SCFD2: variants seen among roughly 807,000 people sequenced by gnomAD.
The protein encoded by SCFD2 is sec1 family domain-containing protein 2.
A neutral mutation model predicts 58.9 loss-of-function variants in SCFD2; 54 were observed. The ratio of observed to expected loss-of-function variants is 0.92; its 90% CI spans 0.74 to 1.15. SCFD2 has a LOEUF of 1.15. Ranked by LOEUF, SCFD2 falls within the 50% of genes most tolerant of loss-of-function variation. The pLI is 0.00. For missense variants in SCFD2, 805 were observed against 836.6 expected (o/e 0.96, Z 0.47); for synonymous variants, 321 against 335.9 (o/e 0.96, Z 0.49).
At chr4:53,294,696 A>G (rs1212176680) in intron 3 of SCFD2, among the ~76,000 whole-genome samples, 1 of 152,098 alleles carries the variant, frequency 6.6e-6, no homozygotes, top group Non-Finnish European at 1.5e-5. Flanking sequence ...TTGGTGTTTT[A>G]GACATGAAGT....
At chr4:53,050,018 A>G (rs13112198) in intron 5 of SCFD2, among the ~76,000 whole-genome samples, 36,058 of 152,182 alleles carry the variant, frequency 0.24, 4,503 homozygotes, top group East Asian at 0.27. Flanking sequence ...AGGAAAAAAT[A>G]AAACACAATA....
At chr4:52,997,322 A>G (rs1472118523) in intron 5 of SCFD2, among the ~76,000 whole-genome samples, 1 of 152,224 alleles carries the variant, frequency 6.6e-6, no homozygotes, top group Non-Finnish European at 1.5e-5. Flanking sequence ...CTGCACTTGG[A>G]TCAAGGGATC....
At chr4:52,923,887 C>T (rs995285464) in intron 5 of SCFD2, among the ~76,000 whole-genome samples, 15 of 152,206 alleles carry the variant, frequency 9.9e-5, no homozygotes, top group Non-Finnish European at 2.2e-4. Flanking sequence ...TATGGCTTCT[C>T]ACTCAACATG....
intron 2 of SCFD2, among the ~76,000 whole-genome samples, chr4:53,340,689 G>A (rs1178156963): frequency 2.6e-5 from 4 of 152,202 alleles, no homozygotes; most frequent in Non-Finnish European, 4.4e-5. Flanking sequence ...CCCCCGAGTA[G>A]CCCAACTGTG....
chr4:52,919,396 A>T (rs1463644743), intron 6 of SCFD2, among the ~76,000 whole-genome samples: 1 of 152,220 alleles, frequency 6.6e-6, no homozygotes, highest in Non-Finnish European at 1.5e-5. Flanking sequence ...AAAACTACGT[A>T]TGAATACCTG....
chr4:53,242,153 T>C (rs1212961006), intron 4 of SCFD2, among the ~76,000 whole-genome samples: 1 of 152,236 alleles, frequency 6.6e-6, no homozygotes, highest in Non-Finnish European at 1.5e-5. Context: ...CTGCAGCTAG[T>C]GCTGCTAGTA....
intron 2 of SCFD2, among the ~76,000 whole-genome samples, chr4:53,351,774 T>C (rs1408067432): frequency 2.0e-5 from 3 of 152,190 alleles, no homozygotes; most frequent in Non-Finnish European, 4.4e-5. Flanking sequence ...TAAGTATTCT[T>C]AAATATCTAC....
intron 5 of SCFD2, among the ~76,000 whole-genome samples, chr4:53,126,772 T>C (rs545626293): frequency 1.3e-5 from 2 of 152,272 alleles, no homozygotes; most frequent in South Asian, 4.1e-4. Context: ...GAAAGCAGGA[T>C]TCCCGAGAAC....
chr4:53,143,158 G>A (rs1367078553), intron 5 of SCFD2, among the ~76,000 whole-genome samples: 1 of 152,148 alleles, frequency 6.6e-6, no homozygotes, highest in Non-Finnish European at 1.5e-5. Context: ...CTGGGCCAAT[G>A]AACACCTTGA....
At chr4:53,140,413 A>ATATATATATATATAT (rs1212934790) in intron 5 of SCFD2, among the ~76,000 whole-genome samples, 1 of 143,922 alleles carries the variant, frequency 6.9e-6, no homozygotes, top group African/African-American at 2.6e-5. Context: ...ATATATATAT[A>ATATATATATATATAT]AATTTTAATC....
intron 4 of SCFD2, among the ~76,000 whole-genome samples, chr4:53,253,403 G>A (rs1451746596): frequency 9.2e-5 from 14 of 152,020 alleles, no homozygotes; most frequent in African/African-American, 2.2e-4. Flanking sequence ...ATACCCAAAG[G>A]ACTATAAATC....
chr4:53,145,188 G>T, intron 5 of SCFD2, 145 bp downstream of exon 5: 1 of 977,270 alleles, frequency 1.0e-6, no homozygotes, highest in Non-Finnish European at 1.5e-6. Context: ...TGTTGCTATA[G>T]GCTGGCTAGC....
At chr4:52,952,583 A>G (rs1449182298) in intron 5 of SCFD2, among the ~76,000 whole-genome samples, 1 of 152,188 alleles carries the variant, frequency 6.6e-6, no homozygotes, top group Non-Finnish European at 1.5e-5. Flanking sequence ...TATTACTGCA[A>G]TAGTTAATTT....
intron 4 of SCFD2, among the ~76,000 whole-genome samples, chr4:53,193,247 T>C (rs1727966970): frequency 6.6e-6 from 1 of 152,184 alleles, no homozygotes; most frequent in Admixed American, 6.5e-5. Flanking sequence ...AAAATGTATG[T>C]AATGAACTAA....
intron 5 of SCFD2, among the ~76,000 whole-genome samples, chr4:53,142,423 A>G (rs1368131685): frequency 6.6e-6 from 1 of 152,244 alleles, no homozygotes; most frequent in Non-Finnish European, 1.5e-5. Context: ...AATGTGCATA[A>G]GGCATACAAT....
chr4:53,235,166 C>T (rs910444098), intron 4 of SCFD2, among the ~76,000 whole-genome samples: 2 of 152,178 alleles, frequency 1.3e-5, no homozygotes, highest in African/African-American at 4.8e-5. Context: ...GTCTCATTTG[C>T]CAGAACCTGG....
intron 5 of SCFD2, among the ~76,000 whole-genome samples, chr4:53,050,824 C>T (rs1395152757): frequency 6.6e-6 from 1 of 152,162 alleles, no homozygotes; most frequent in Non-Finnish European, 1.5e-5. Flanking sequence ...AGCCATGCTG[C>T]CTGCATTCCT....
intron 5 of SCFD2, among the ~76,000 whole-genome samples, chr4:52,975,965 T>C (rs574400525): frequency 2.8e-4 from 38 of 136,666 alleles, no homozygotes; most frequent in East Asian, 1.5e-3. Context: ...TAGGTGGGAA[T>C]TGAACAATGA....
chr4:53,213,111 G>A (rs951333099), intron 4 of SCFD2, among the ~76,000 whole-genome samples: 8 of 152,028 alleles, frequency 5.3e-5, no homozygotes, highest in Non-Finnish European at 4.4e-5. Context: ...TGATAATCAC[G>A]ATTAAATTAT....
Sources: allele counts gnomAD v4.1 joint callset (sites outside exome capture counted in the v4.1 genomes callset), GRCh38; gene constraint gnomAD v4.1.1; transcripts MANE v1.5; gene names NCBI Gene and HGNC (gene_info 2026-07-23, HGNC 2026-07-21).